Variants in MAGI2 observed in about 807,000 individuals in gnomAD.
MAGI2 encodes membrane-associated guanylate kinase, WW and PDZ domain-containing protein 2.
MAGI2 carries 35 observed loss-of-function variants against 133.3 expected under a neutral mutation model. The observed-to-expected ratio is 0.26, with a 90% CI of 0.20 to 0.35. MAGI2 has a LOEUF of 0.35. Ranked by LOEUF, MAGI2 falls within the 10% of genes least tolerant of loss-of-function variation. MAGI2 has a pLI of 1.00. For synonymous variants in MAGI2, 729 were observed against 710.6 expected (o/e 1.03, Z -0.41); for missense variants, 1,636 against 1,863.4 (o/e 0.88, Z 2.25).
intron 20 of MAGI2, among the ~76,000 whole-genome samples, chr7:78,094,113 T>C (rs898070771): frequency 3.3e-5 from 5 of 152,346 alleles, no homozygotes; most frequent in Admixed American, 1.3e-4. Context: ...AGTTAATCTT[T>C]GCATGATTAT....
chr7:78,990,569 C>T (rs1584598863), intron 2 of MAGI2, among the ~76,000 whole-genome samples: 1 of 152,078 alleles, frequency 6.6e-6, no homozygotes, highest in East Asian at 1.9e-4. Flanking sequence ...AAATGGTTGC[C>T]TTTTCCCTGG....
At chr7:78,103,055 T>C (rs1818343943) in intron 20 of MAGI2, among the ~76,000 whole-genome samples, 1 of 152,178 alleles carries the variant, frequency 6.6e-6, no homozygotes, top group Non-Finnish European at 1.5e-5. Context: ...CTCCTCTCTT[T>C]CCTCATATCT....
At chr7:78,595,566 G>A (rs1051332549) in intron 3 of MAGI2, among the ~76,000 whole-genome samples, 6 of 152,138 alleles carry the variant, frequency 3.9e-5, no homozygotes, top group Admixed American at 2.0e-4. Flanking sequence ...ATAAGAATTC[G>A]TTTAATTTCT....
chr7:78,086,643 T>TA (rs34096136), intron 20 of MAGI2, among the ~76,000 whole-genome samples: 50,710 of 149,738 alleles, frequency 0.34, 8,967 homozygotes, highest in East Asian at 0.58. Flanking sequence ...TTATTATTAT[T>TA]TTTTTTTTTG....
At chr7:78,593,194 C>G (rs1804226935) in intron 3 of MAGI2, among the ~76,000 whole-genome samples, 1 of 151,314 alleles carries the variant, frequency 6.6e-6, no homozygotes, top group Admixed American at 6.6e-5. Flanking sequence ...AGATCGAGAC[C>G]ATCCTGGCTA....
chr7:78,987,861 C>G (rs1488258190), intron 2 of MAGI2, among the ~76,000 whole-genome samples: 2 of 151,682 alleles, frequency 1.3e-5, no homozygotes, highest in Admixed American at 1.3e-4. Flanking sequence ...CACACACACA[C>G]AGTAAAGGAA....
chr7:79,069,579 C>A (rs774852143), intron 1 of MAGI2, among the ~76,000 whole-genome samples: 4 of 152,078 alleles, frequency 2.6e-5, no homozygotes, highest in Admixed American at 6.6e-5. Context: ...TTAATTGGGG[C>A]AATTACCCCA....
intron 2 of MAGI2, among the ~76,000 whole-genome samples, chr7:78,805,981 A>G (rs943977506): frequency 5.9e-5 from 9 of 152,128 alleles, no homozygotes; most frequent in Admixed American, 2.6e-4. Context: ...CCATTCCTGA[A>G]TTTCTGAACT....
chr7:78,390,080 G>A (rs16886001), intron 6 of MAGI2, among the ~76,000 whole-genome samples: 81,952 of 152,008 alleles, frequency 0.54, 23,032 homozygotes, highest in Middle Eastern at 0.65. Context: ...CATATTTTAT[G>A]CTTTCAAACT....
At chr7:79,396,643 G>A (rs749481095) in intron 1 of MAGI2, among the ~76,000 whole-genome samples, 1 of 151,950 alleles carries the variant, frequency 6.6e-6, no homozygotes, top group Non-Finnish European at 1.5e-5. Context: ...TATGTCCTGC[G>A]GGTTTGCAGA....
chr7:78,971,881 A>G (rs1803818000), intron 2 of MAGI2, among the ~76,000 whole-genome samples: 1 of 152,032 alleles, frequency 6.6e-6, no homozygotes, highest in Non-Finnish European at 1.5e-5. Flanking sequence ...TTTCTACTTT[A>G]GTATGGCTAT....
intron 2 of MAGI2, among the ~76,000 whole-genome samples, chr7:78,699,075 C>T (rs558429044): frequency 1.2e-4 from 18 of 152,302 alleles, no homozygotes; most frequent in Non-Finnish European, 2.2e-4. Context: ...GAGAGTGACA[C>T]CTTTGCTTTC....
chr7:78,764,200 A>T (rs1278143001), intron 2 of MAGI2, among the ~76,000 whole-genome samples: 1 of 152,226 alleles, frequency 6.6e-6, no homozygotes, highest in Non-Finnish European at 1.5e-5. Flanking sequence ...ATAGAACATG[A>T]GCCACAAGAG....
At position 78,991,597 on chromosome 7, in the gene MAGI2, T is replaced by C. The variant is rs902573025; in HGVS notation, c.418+15493A>G. On this transcript the variant is annotated intron_variant, in intron 2 of 21. Coordinates refer to ENST00000354212, the MANE Select transcript of MAGI2 (RefSeq NM_012301.4). ...TTGCAAAGCTTCATTGTCCTTTTTT[T>C]TTTTTTTTAAATAATGAGGAGAACA... 2.6e-5 allele frequency among the ~76,000 whole-genome samples: 4 copies of C among 151,854 alleles called. No individual in the cohort carries two copies. The South Asian group carries it at 8.3e-4, about 31-fold the overall frequency.
At chr7:79,037,485 A>G (rs893642438) in intron 1 of MAGI2, among the ~76,000 whole-genome samples, 3 of 152,166 alleles carry the variant, frequency 2.0e-5, no homozygotes, top group Non-Finnish European at 4.4e-5. Context: ...TGTGGGCTTC[A>G]TGTGCCACCA....
At chr7:79,167,942 G>A (rs983274550) in intron 1 of MAGI2, among the ~76,000 whole-genome samples, 7 of 152,066 alleles carry the variant, frequency 4.6e-5, no homozygotes, top group Admixed American at 1.3e-4. Flanking sequence ...GTGGTAAACC[G>A]CTTAAAGGCG....
intron 21 of MAGI2, among the ~76,000 whole-genome samples, chr7:78,066,159 C>T (rs750974214): frequency 5.3e-5 from 8 of 152,032 alleles, no homozygotes; most frequent in Non-Finnish European, 1.0e-4. Flanking sequence ...TAAAACTTTG[C>T]GTATTAAATT....
chr7:78,049,937 T>C (rs1001741182), intron 21 of MAGI2, among the ~76,000 whole-genome samples: 3 of 152,230 alleles, frequency 2.0e-5, no homozygotes, highest in Admixed American at 6.5e-5. Context: ...TCCACACATT[T>C]GTACTCGTGG....
chr7:79,406,635 T>C (rs886711698), intron 1 of MAGI2, among the ~76,000 whole-genome samples: 3 of 152,140 alleles, frequency 2.0e-5, no homozygotes, highest in Non-Finnish European at 4.4e-5. Flanking sequence ...GGCAATATAA[T>C]CATTTTTTCA....
Sources: allele counts gnomAD v4.1 joint callset (sites outside exome capture counted in the v4.1 genomes callset), GRCh38; gene constraint gnomAD v4.1.1; transcripts MANE v1.5; gene names NCBI Gene and HGNC (gene_info 2026-07-23, HGNC 2026-07-21).